Variants in GOLM1 observed in about 807,000 individuals in gnomAD.
The protein encoded by GOLM1 is epididymis luminal protein 46.
Under a neutral mutation model 50.5 loss-of-function variants are expected in GOLM1, and 31 were observed. That is an observed-to-expected ratio of 0.61 (90% CI 0.46 to 0.83). The LOEUF (loss-of-function observed/expected upper bound fraction) is 0.83. Ranked by LOEUF, GOLM1 falls within the 40% of genes least tolerant of loss-of-function variation. The pLI, the probability that GOLM1 is intolerant of heterozygous loss-of-function variation, is 0.00. For missense variants in GOLM1, 491 were observed against 501.3 expected (o/e 0.98, Z 0.20); for synonymous variants, 178 against 192.8 (o/e 0.92, Z 0.64).
chr9:86,043,671 A>T (rs1191444579), intron 5 of GOLM1, among the ~76,000 whole-genome samples: 3 of 152,182 alleles, frequency 2.0e-5, no homozygotes, highest in Admixed American at 2.0e-4. Context: ...ACAAGTAGTG[A>T]AATAGGCACA....
chr9:86,059,405 G>T (rs969736010), intron 3 of GOLM1, among the ~76,000 whole-genome samples: 2 of 152,202 alleles, frequency 1.3e-5, no homozygotes, highest in African/African-American at 4.8e-5. Context: ...CACGGATGAG[G>T]CTTGGAAACA....
At chr9:86,079,901 T>C (rs1834737730) in intron 1 of GOLM1, 1 of 151,900 alleles carries the variant, frequency 6.6e-6, no homozygotes, top group African/African-American at 2.4e-5. Flanking sequence ...AATTAAAGCA[T>C]TTCTCAAGCA....
chr9:86,031,565 G>A (rs910374960), intron 9 of GOLM1, among the ~76,000 whole-genome samples: 1 of 145,812 alleles, frequency 6.9e-6, no homozygotes, highest in Non-Finnish European at 1.5e-5. Context: ...GAGTTCACGC[G>A]ATTCTCCTGT....
chr9:86,052,641 T>G (rs755139008), intron 3 of GOLM1, 50 bp from the exon 4 acceptor site: 1 of 1,513,474 alleles, frequency 6.6e-7, no homozygotes, highest in South Asian at 1.1e-5. Context: ...CACCTCAGCC[T>G]GACAGCCAGA....
At position 86,035,402 on chromosome 9, in the gene GOLM1, G is replaced by A. The variant is rs147755244; in HGVS notation, c.981C>T (p.Asp327=). 5.2e-5 allele frequency: 84 copies of A among 1,613,802 alleles called. No homozygotes were observed. The highest frequency in any genetic ancestry group is 2.9e-4 in the East Asian group (13 of 44,872). ...GPERDQLVIP[D]GQEEEQEAAG... Reference sequence around the variant, plus strand: ...CAGCTTCCTGCTCCTCCTCCTGTCCGTCGGGGATGACAAGCTGGTCTCGCT... The same window carrying A: ...CAGCTTCCTGCTCCTCCTCCTGTCCATCGGGGATGACAAGCTGGTCTCGCT... The change falls in exon 8 of 10, where the codon GAC becomes GAT. Residue 327 remains aspartate, a synonymous_variant. Coordinates refer to ENST00000388712, the MANE Select transcript of GOLM1 (RefSeq NM_016548.4).
intron 1 of GOLM1, among the ~76,000 whole-genome samples, chr9:86,098,159 AC>A (rs1835409783): frequency 6.6e-6 from 1 of 152,204 alleles, no homozygotes; most frequent in South Asian, 2.1e-4. Context: ...AACCATCCTA[AC>A]AATTCAATTT....
At chr9:86,030,218 C>CAAAAAAAAAAAAAAAAAAAAAAAAAAA (rs35215928) in intron 9 of GOLM1, among the ~76,000 whole-genome samples, 1 of 73,440 alleles carries the variant, frequency 1.4e-5, no homozygotes, top group Non-Finnish European at 2.5e-5. Flanking sequence ...GACTCTGTCT[C>CAAAAAAAAAAAAAAAAAAAAAAAAAAA]AAAAAAAAAA....
chr9:86,045,695 T>C lies in GOLM1; in HGVS notation c.467+775A>G, dbSNP rs11141190. On this transcript the variant is annotated intron_variant, in intron 5 of 9. Transcript: ENST00000388712. ...TCAAGAAAAAAAAAAAAAAAGTATATACACACACACACACACACACGTACA... is the reference window on the plus strand; with the variant it reads ...TCAAGAAAAAAAAAAAAAAAGTATACACACACACACACACACACACGTACA... Among the ~76,000 whole-genome samples the C allele has an allele frequency of 0.023, 3,363 of 147,560 alleles. 368 individuals are homozygous for C. The East Asian group carries it at 0.36, about 16-fold the overall frequency.
At chr9:86,074,684 C>T (rs766972710) in intron 3 of GOLM1, among the ~76,000 whole-genome samples, 1 of 152,164 alleles carries the variant, frequency 6.6e-6, no homozygotes, top group East Asian at 1.9e-4. Context: ...GCCCCAATCT[C>T]GTCAGACTGC....
intron 7 of GOLM1, among the ~76,000 whole-genome samples, chr9:86,035,919 C>G (rs1458719592): frequency 1.4e-5 from 2 of 143,210 alleles, no homozygotes; most frequent in Non-Finnish European, 3.0e-5. Flanking sequence ...ATTACCTTGA[C>G]AAGGTACAAA....
At chr9:86,056,793 T>C (rs1359412518) in intron 3 of GOLM1, among the ~76,000 whole-genome samples, 1 of 151,930 alleles carries the variant, frequency 6.6e-6, no homozygotes, top group African/African-American at 2.4e-5. Context: ...CATGAGGCAC[T>C]GCACCCAGCC....
chr9:86,027,671 C>T lies in GOLM1; in HGVS notation c.*146G>A. 7.1e-7 allele frequency: 1 copy of T among 1,412,996 alleles called. No individual in the cohort carries two copies. The highest frequency in any genetic ancestry group is 9.2e-7 in the Non-Finnish European group (1 of 1,085,168). The allele number at this position is 1,412,996 out of a possible 1,614,324, so 87.5% of individuals were successfully genotyped here. On this transcript the variant is annotated 3_prime_UTR_variant, in exon 10 of 10. Coordinates refer to ENST00000388712, the MANE Select transcript of GOLM1 (RefSeq NM_016548.4). ...AAAGACCATTCCATTTTTTCCTACA[C>T]AAAGTGCATACTAAAATTTCACAAT...
intron 4 of GOLM1, among the ~76,000 whole-genome samples, chr9:86,051,616 C>T (rs1833755255): frequency 6.6e-6 from 1 of 152,154 alleles, no homozygotes. Flanking sequence ...AAGTGGATCA[C>T]CACGGCGCAC....
At chr9:86,031,427 T>C (rs1832976588) in intron 9 of GOLM1, among the ~76,000 whole-genome samples, 1 of 150,602 alleles carries the variant, frequency 6.6e-6, no homozygotes, top group Admixed American at 6.6e-5. Context: ...CCTATCTACC[T>C]TATACAAACA....
Position 86,067,637 on chromosome 9 carries a change from C to T in GOLM1, c.309+9775G>A, listed in dbSNP as rs1003155059. Among the ~76,000 whole-genome samples, 5 of 152,142 alleles carry T rather than the reference C, an allele frequency of 3.3e-5. No individual in the cohort carries two copies. In the East Asian group the frequency reaches 5.8e-4, roughly 18 times the overall value. The stretch of plus-strand genomic sequence containing the variant: ...AGGCAAGGTCAACAAAAGGGGCCGT[C>T]GGTTGAACAGTGTACACCTAAAATT... On this transcript the variant is annotated intron_variant, in intron 3 of 9. Coordinates refer to ENST00000388712, the MANE Select transcript of GOLM1 (RefSeq NM_016548.4).
At position 86,026,337 on chromosome 9, in the gene GOLM1, T is replaced by TAA. The variant is rs1832782339; in HGVS notation, c.*1479_*1480insTT. ...TTTTATCTAAGTTGCCTTTTCTGGG[T>TAA]GGGAAAGTTTAACCTTAGTGACTAA... On this transcript the variant is annotated 3_prime_UTR_variant, in exon 10 of 10. Coordinates refer to ENST00000388712, the MANE Select transcript of GOLM1 (RefSeq NM_016548.4). 1 of 984,908 alleles carries TAA rather than the reference T, an allele frequency of 1.0e-6. No individual in the cohort carries two copies. Among genetic ancestry groups the TAA allele is most frequent in the South Asian group, 4.7e-5 (1 of 21,266 alleles). 61.0% of individuals were successfully genotyped at this position (984,908 alleles called of 1,614,324 possible).
At chr9:86,069,172 C>A (rs915944791) in intron 3 of GOLM1, among the ~76,000 whole-genome samples, 1 of 151,296 alleles carries the variant, frequency 6.6e-6, no homozygotes, top group Non-Finnish European at 1.5e-5. Context: ...GGAGAGTTCT[C>A]AATAGCTAAT....
rs566718417 is a variant in GOLM1, at chr9:86,029,103, C to T, written c.1130-1210G>A. On this transcript the variant is annotated intron_variant, in intron 9 of 9. Coordinates refer to ENST00000388712, the MANE Select transcript of GOLM1 (RefSeq NM_016548.4). ...CGATCTCCTGACCTCGTGATCCGCC[C>T]GCCTTGGCCTCCCAAAGTGCTGGGA... Among the ~76,000 whole-genome samples, 26 of 152,218 alleles carry T rather than the reference C, an allele frequency of 1.7e-4. No homozygotes were observed. In the East Asian group the frequency reaches 4.1e-3, roughly 24 times the overall value.
At chr9:86,071,572 G>A (rs752456264) in intron 3 of GOLM1, among the ~76,000 whole-genome samples, 13 of 151,870 alleles carry the variant, frequency 8.6e-5, no homozygotes, top group Admixed American at 3.3e-4. Context: ...CCAGCTACTC[G>A]GGAGGCTGTG....
Sources: allele counts gnomAD v4.1 joint callset (sites outside exome capture counted in the v4.1 genomes callset), GRCh38; gene constraint gnomAD v4.1.1; transcripts MANE v1.5; gene names NCBI Gene and HGNC (gene_info 2026-07-23, HGNC 2026-07-21).